The following PABPC4L variants were observed in gnomAD, a reference collection of about 807,000 sequenced individuals.
PABPC4L encodes the protein poly(A) binding protein cytoplasmic 4 like.
For synonymous variants in PABPC4L, 169 were observed against 164.1 expected (o/e 1.03, Z -0.23); for missense variants, 452 against 451.4 (o/e 1.00, Z -0.01).
chr4:134,094,684 C>A, the PABPC4L span, among the ~76,000 whole-genome samples: 1 of 151,694 alleles, frequency 6.6e-6, no homozygotes, highest in African/African-American at 2.4e-5. Context: ...TAAAAACATT[C>A]ATACCAGACA....
chr4:134,122,978 C>A, the PABPC4L span, among the ~76,000 whole-genome samples: 3 of 151,888 alleles, frequency 2.0e-5, no homozygotes, highest in African/African-American at 7.2e-5. Context: ...ACAGACAATT[C>A]TCATCATTTA....
the PABPC4L span, among the ~76,000 whole-genome samples, chr4:134,139,842 G>A: frequency 6.6e-6 from 1 of 151,434 alleles, no homozygotes. Context: ...TTTGCAACAT[G>A]GAATATTTGA....
the PABPC4L span, among the ~76,000 whole-genome samples, chr4:134,136,565 T>A: frequency 1.3e-5 from 2 of 152,064 alleles, no homozygotes; most frequent in Admixed American, 6.6e-5. Flanking sequence ...AATTTCTCAG[T>A]TTTATTATAT....
the PABPC4L span, among the ~76,000 whole-genome samples, chr4:134,148,772 A>T: frequency 6.6e-6 from 1 of 151,968 alleles, no homozygotes; most frequent in Non-Finnish European, 1.5e-5. Context: ...CAGTATACTA[A>T]CTCCTTTTTT....
At chr4:134,070,513 G>A in the PABPC4L span, among the ~76,000 whole-genome samples, 2 of 152,136 alleles carry the variant, frequency 1.3e-5, no homozygotes, top group African/African-American at 4.8e-5. Flanking sequence ...CAGCAATGGT[G>A]GCATAGTGGG....
chr4:133,995,351 C>A, the PABPC4L span, among the ~76,000 whole-genome samples: 1 of 152,142 alleles, frequency 6.6e-6, no homozygotes. Flanking sequence ...AATGCCATAG[C>A]CAATATTTTG....
chr4:134,079,578 C>CAAAAAAAAAAAAAAAAAAA, the PABPC4L span, among the ~76,000 whole-genome samples: 1 of 90,688 alleles, frequency 1.1e-5, no homozygotes, highest in Non-Finnish European at 2.2e-5. Context: ...GACTTCCTCT[C>CAAAAAAAAAAAAAAAAAAA]AAAAAAAAAA....
chr4:134,129,925 C>T, the PABPC4L span, among the ~76,000 whole-genome samples: 120 of 151,784 alleles, frequency 7.9e-4, no homozygotes, highest in African/African-American at 2.5e-3. Flanking sequence ...ATTAGCCAGG[C>T]GTGGTGGTGT....
At chr4:134,026,361 G>A in the PABPC4L span, among the ~76,000 whole-genome samples, 28 of 151,766 alleles carry the variant, frequency 1.8e-4, no homozygotes, top group East Asian at 5.9e-4. Context: ...TCAGCCTCCC[G>A]AGTAGCTGGG....
the PABPC4L span, among the ~76,000 whole-genome samples, chr4:133,995,753 G>A: frequency 9.9e-5 from 15 of 152,156 alleles, no homozygotes; most frequent in South Asian, 2.1e-4. Flanking sequence ...GTTACGTCTC[G>A]CCCGGCCACT....
chr4:133,949,346 G>T, the PABPC4L span, among the ~76,000 whole-genome samples: 6 of 152,002 alleles, frequency 3.9e-5, no homozygotes, highest in Admixed American at 3.9e-4. Context: ...GGGTCTCAGG[G>T]GTGGAGGCCC....
At chr4:133,951,950 T>C in the PABPC4L span, among the ~76,000 whole-genome samples, 843 of 152,314 alleles carry the variant, frequency 5.5e-3, 14 homozygotes, top group African/African-American at 0.019. Context: ...CAATATTCTT[T>C]CTGAGTTTAT....
the PABPC4L span, among the ~76,000 whole-genome samples, chr4:133,997,332 G>C: frequency 2.6e-5 from 4 of 152,046 alleles, no homozygotes; most frequent in Non-Finnish European, 4.4e-5. Context: ...TAAATACAAA[G>C]GGAAAGGTTT....
the PABPC4L span, among the ~76,000 whole-genome samples, chr4:133,985,580 C>A: frequency 6.6e-6 from 1 of 151,822 alleles, no homozygotes; most frequent in African/African-American, 2.4e-5. Context: ...GGATATTCAA[C>A]AAGGTGTCAA....
the PABPC4L span, among the ~76,000 whole-genome samples, chr4:133,986,562 T>C: frequency 6.6e-6 from 1 of 152,096 alleles, no homozygotes; most frequent in Non-Finnish European, 1.5e-5. Flanking sequence ...CCTACAAATA[T>C]CACTGTAAAG....
chr4:133,976,741 T>C, the PABPC4L span, among the ~76,000 whole-genome samples: 4 of 152,204 alleles, frequency 2.6e-5, no homozygotes, highest in Non-Finnish European at 4.4e-5. Flanking sequence ...ATATATTTGT[T>C]GGCTGCATAA....
At chr4:134,087,356 C>T in the PABPC4L span, among the ~76,000 whole-genome samples, 1 of 152,140 alleles carries the variant, frequency 6.6e-6, no homozygotes, top group African/African-American at 2.4e-5. Context: ...TTCAGTTCTT[C>T]TTTTACTGAG....
chr4:133,992,219 T>C, the PABPC4L span, among the ~76,000 whole-genome samples: 4 of 151,846 alleles, frequency 2.6e-5, no homozygotes, highest in Non-Finnish European at 5.9e-5. Flanking sequence ...GCAGTGGGAG[T>C]CTAAGATGTT....
chr4:134,033,750 A>C, the PABPC4L span, among the ~76,000 whole-genome samples: 1 of 151,954 alleles, frequency 6.6e-6, no homozygotes, highest in Non-Finnish European at 1.5e-5. Context: ...GAGTTGATGA[A>C]GCTGCAGAAG....
Sources: gnomAD v4.1 joint callset for allele counts (sites outside exome capture counted in the v4.1 genomes callset) on GRCh38, gnomAD v4.1.1 for gene constraint, MANE v1.5 for transcripts, NCBI Gene and HGNC (gene_info 2026-07-23, HGNC 2026-07-21) for gene names.